DMRTC1B: variants seen among roughly 807,000 people sequenced by gnomAD.
The protein encoded by DMRTC1B is doublesex- and mab-3-related transcription factor C1.
chrX:72,840,170 CAAAGCAAAGAGAA>C (rs1343899132), intron 1 of DMRTC1B, among the ~76,000 whole-genome samples: 1,373 of 77,939 alleles, frequency 0.018, no homozygotes, highest in Non-Finnish European at 0.028. Flanking sequence ...AAAAGCAAAG[CAAAGCAAAGAGAA>C]AAAGCAAAGC....
At chrX:72,807,458 C>T (rs1399341927) in intron 1 of DMRTC1B, 18 of 405,769 alleles carry the variant, frequency 4.4e-5, no homozygotes, top group African/African-American at 8.4e-5. Flanking sequence ...ATTTCAGGCC[C>T]GGTGACCGGG....
In DMRTC1B at chrX:72,845,966, C is replaced by T. The variant is rs1556349855; in HGVS notation, c.218C>T (p.Pro73Leu). 20 of 7,598 alleles carry T rather than the reference C, an allele frequency of 2.6e-3. No homozygotes were observed. Among genetic ancestry groups the T allele is most frequent in the East Asian group, 4.0e-3 (20 of 4,944 alleles). 0.6% of individuals were successfully genotyped at this position (7,598 alleles called of 1,213,427 possible). A position where few individuals can be genotyped will look rare whatever the true frequency, so the allele number is the denominator to read the frequency against. The change falls in exon 4 of 7, where the codon CCT (proline) becomes CTT (leucine). Residue 73 changes from proline to leucine, a missense_variant. Coordinates refer to ENST00000334036, the MANE Select transcript of DMRTC1B (RefSeq NM_001386972.1). ...PVTLEQQLVS[P>L]SGDPHRAPAL... ...ACCTTGGAGCAGCAACTGGTTTCTC[C>T]TTCTGGGGATCCCCACAGGGCCCCT...
Position 72,807,236 on chromosome X carries a change from T to C in DMRTC1B, c.-95+29988T>C, listed in dbSNP as rs1320191836. Among the ~76,000 whole-genome samples, 11 of 79,488 alleles carry C rather than the reference T, an allele frequency of 1.4e-4. 2 individuals carry two copies. In the East Asian group the frequency reaches 1.9e-3, roughly 14 times the overall value. The allele number at this position is 79,488 out of a possible 115,157, so 69.0% of individuals were successfully genotyped here. A position where few individuals can be genotyped will look rare whatever the true frequency, so the allele number is the denominator to read the frequency against. ...GCTGAGAGCCGTGGAAAACTCACCGTTGATTGGCTACAGCCCATCGCCACC... is the reference window on the plus strand; with the variant it reads ...GCTGAGAGCCGTGGAAAACTCACCGCTGATTGGCTACAGCCCATCGCCACC... On this transcript the variant is annotated intron_variant, in intron 1 of 6. Transcript: ENST00000334036.
chrX:72,807,614 C>G, intron 1 of DMRTC1B: 1 of 883,230 alleles, frequency 1.1e-6, no homozygotes, highest in Non-Finnish European at 1.5e-6. Flanking sequence ...CCCTCGGGAG[C>G]CCTGGGGATT....
chrX:72,839,437 T>A (rs1345310020), intron 1 of DMRTC1B, among the ~76,000 whole-genome samples: 2 of 113,469 alleles, frequency 1.8e-5, no homozygotes, highest in African/African-American at 6.5e-5. Flanking sequence ...AGAAAAAAAA[T>A]TACTGAGAGA....
At chrX:72,794,406 TAATA>T (rs2054624007) in intron 1 of DMRTC1B, among the ~76,000 whole-genome samples, 1 of 110,660 alleles carries the variant, frequency 9.0e-6, no homozygotes, top group Non-Finnish European at 1.9e-5. Context: ...TATTTACATT[TAATA>T]AATGCTCATT....
At chrX:72,841,439 AGGAAG>A (rs782718833) in intron 1 of DMRTC1B, among the ~76,000 whole-genome samples, 171 of 2,575 alleles carry the variant, frequency 0.066, 14 homozygotes, top group Admixed American at 0.13. Context: ...CGGAAAGGAA[AGGAAG>A]GGAAGGGAAG....
At chrX:72,802,568 A>G (rs781931007) in intron 1 of DMRTC1B, among the ~76,000 whole-genome samples, 1 of 91,686 alleles carries the variant, frequency 1.1e-5, no homozygotes, top group East Asian at 2.7e-4. Flanking sequence ...ACCACCCAGG[A>G]CTGCTGTGAG....
intron 1 of DMRTC1B, among the ~76,000 whole-genome samples, chrX:72,817,876 A>ATGTG (rs528034350): frequency 0.06 from 912 of 15,133 alleles, 91 homozygotes; most frequent in South Asian, 0.13. Flanking sequence ...GCGTGTGTGT[A>ATGTG]TGTGTGTGTG....
rs371349821 is a variant in DMRTC1B, at chrX:72,848,191, C to T, written c.467-72C>T. 85 of 86,700 alleles carry T rather than the reference C, an allele frequency of 9.8e-4. 11 individuals are homozygous for T. The highest frequency in any genetic ancestry group is 3.4e-3 in the South Asian group (24 of 6,990). 7.1% of individuals were successfully genotyped at this position (86,700 alleles called of 1,213,427 possible). On this transcript the variant is annotated intron_variant, in intron 6 of 6. Transcript: ENST00000334036. ...GTGACAAATCTTTGGTTGGGTGGGA[C>T]GCATAAAAACAGTAGATCTGGAAGG...
chrX:72,820,821 C>G (rs2147876778), intron 1 of DMRTC1B, among the ~76,000 whole-genome samples: 1 of 59,452 alleles, frequency 1.7e-5, no homozygotes, highest in South Asian at 1.1e-3. Flanking sequence ...GCATTTAGAG[C>G]TATACATTTT....
At position 72,820,470 on chromosome X, in the gene DMRTC1B, C is replaced by T. The variant is rs1417979141; in HGVS notation, c.-94-24572C>T. Among the ~76,000 whole-genome samples the T allele has an allele frequency of 2.2e-4, 24 of 110,234 alleles. No individual in the cohort carries two copies. In the East Asian group the frequency reaches 6.3e-3, roughly 29 times the overall value. ...GCTTAGGTTTAGTTTGCTCTTTTTC[C>T]CAGGGTCTCAATGCGGAGGGTAAGG... is the stretch of plus-strand genomic sequence containing the variant. On this transcript the variant is annotated intron_variant, in intron 1 of 6. Transcript: ENST00000334036.
In DMRTC1B at chrX:72,814,812, C is replaced by T. The variant is rs1247343583; in HGVS notation, c.-94-30230C>T. On this transcript the variant is annotated intron_variant, in intron 1 of 6. Coordinates refer to ENST00000334036, the MANE Select transcript of DMRTC1B (RefSeq NM_001386972.1). ...GATTTTATTTCCCTGATTCTTCTCT[C>T]TTTTCTTCTCATTTAGTCTGGCTAA... Among the ~76,000 whole-genome samples the T allele has an allele frequency of 1.1e-3, 3 of 2,646 alleles. 1 individual carries two copies. The highest frequency in any genetic ancestry group is 1.2e-3 in the African/African-American group (3 of 2,419). The allele number at this position is 2,646 out of a possible 115,157, so 2.3% of individuals were successfully genotyped here. A position where few individuals can be genotyped will look rare whatever the true frequency, so the allele number is the denominator to read the frequency against.
At chrX:72,820,613 G>A (rs1441850201) in intron 1 of DMRTC1B, among the ~76,000 whole-genome samples, 1 of 97,333 alleles carries the variant, frequency 1.0e-5, no homozygotes, top group Non-Finnish European at 2.0e-5. Context: ...CGCCCCCTGG[G>A]GTTCACGCCA....
intron 1 of DMRTC1B, among the ~76,000 whole-genome samples, chrX:72,839,542 T>C (rs1280370959): frequency 9.3e-6 from 1 of 107,825 alleles, no homozygotes; most frequent in Non-Finnish European, 1.9e-5. Flanking sequence ...TTGAGGAAAA[T>C]AGATTCCTCA....
intron 1 of DMRTC1B, among the ~76,000 whole-genome samples, chrX:72,820,531 T>TTTTTTTTTG (rs2054690363): frequency 1.9e-5 from 2 of 103,622 alleles, no homozygotes; most frequent in Non-Finnish European, 2.1e-5. Flanking sequence ...TTTTTTTTTT[T>TTTTTTTTTG]TTTTTTGAGA....
chrX:72,794,365 T>C (rs2054623717), intron 1 of DMRTC1B, among the ~76,000 whole-genome samples: 1 of 107,459 alleles, frequency 9.3e-6, no homozygotes, highest in Admixed American at 1.0e-4. Context: ...TGTTCGTATT[T>C]ACCTCAGTTT....
chrX:72,820,800 T>C (rs1313470630), intron 1 of DMRTC1B, among the ~76,000 whole-genome samples: 2 of 68,789 alleles, frequency 2.9e-5, no homozygotes, highest in Non-Finnish European at 5.5e-5. Context: ...TCTTATTTTT[T>C]TTTAGTATCA....
At chrX:72,802,662 C>CA (rs1361436691) in intron 1 of DMRTC1B, among the ~76,000 whole-genome samples, 5 of 93,795 alleles carry the variant, frequency 5.3e-5, no homozygotes, top group Non-Finnish European at 2.3e-5. Flanking sequence ...ACAGCAACAA[C>CA]AAAAAAACAA....
Sources: allele counts gnomAD v4.1 joint callset (sites outside exome capture counted in the v4.1 genomes callset), GRCh38; gene constraint gnomAD v4.1.1; transcripts MANE v1.5; gene names NCBI Gene and HGNC (gene_info 2026-07-23, HGNC 2026-07-21).